Variants in PPP6R2 observed in about 807,000 individuals in gnomAD.
PPP6R2 encodes protein phosphatase 6 regulatory subunit 2.
A neutral mutation model predicts 100.2 loss-of-function variants in PPP6R2; 62 were observed. The observed-to-expected ratio is 0.62, with a 90% CI of 0.50 to 0.76. The LOEUF is 0.76. Ranked by LOEUF, PPP6R2 falls within the 30% of genes least tolerant of loss-of-function variation. The pLI is 0.00. For missense variants in PPP6R2, 1,142 were observed against 1,276.3 expected, an observed-to-expected ratio of 0.89 and a Z score of 1.60; for synonymous variants, 525 against 514.7, an observed-to-expected ratio of 1.02 and a Z score of -0.27.
At chr22:50,399,846 GA>G (rs1172922325) in intron 3 of PPP6R2, among the ~76,000 whole-genome samples, 13 of 152,218 alleles carry the variant, frequency 8.5e-5, no homozygotes, top group African/African-American at 3.1e-4. Context: ...GGCCACAGCA[GA>G]GGGCGCCACC....
At chr22:50,373,279 T>G (rs1456490135) in intron 2 of PPP6R2, among the ~76,000 whole-genome samples, 4 of 146,752 alleles carry the variant, frequency 2.7e-5, no homozygotes, top group Non-Finnish European at 6.0e-5. Context: ...TCTTGCTCAG[T>G]CGCCCAGGCT....
At chr22:50,438,892 C>T (rs1225835230) in intron 19 of PPP6R2, 130 bp downstream of exon 19, 6 of 1,003,270 alleles carry the variant, frequency 6.0e-6, no homozygotes, top group Non-Finnish European at 7.1e-6. Context: ...AGCCTGAATC[C>T]CCAGCTATTT....
intron 18 of PPP6R2, 85 bp downstream of exon 18, chr22:50,438,383 G>A (rs1212398515): frequency 1.3e-6 from 2 of 1,548,010 alleles, no homozygotes; most frequent in Admixed American, 1.9e-5. Context: ...TGGTTCGTTA[G>A]CTGGCTTGCA....
intron 1 of PPP6R2, among the ~76,000 whole-genome samples, chr22:50,352,740 CAAAAAA>C (rs755138488): frequency 7.6e-6 from 1 of 132,348 alleles, no homozygotes; most frequent in Non-Finnish European, 1.6e-5. Context: ...AAAACAAAAA[CAAAAAA>C]AAAAAACACA....
rs781759770 is a variant in PPP6R2 at position 50,431,317 on chromosome 22, G to A, written c.1270G>A (p.Gly424Arg). The change falls in exon 11 of 24, where the codon GGG (glycine) becomes AGG (arginine). Residue 424 changes from glycine to arginine, a missense_variant. Physicochemically the swap from Gly to Arg is moderately radical, Grantham distance 125. This residue lies in a region of PPP6R2 where 592 missense variants were observed against 758.9 expected (regional missense o/e 0.78). Coordinates refer to ENST00000612753, the MANE Select transcript of PPP6R2 (RefSeq NM_001242898.2). This position sits in a 1 kb window ranked among gnomAD's most constrained non-coding sequence, Gnocchi z 4.8. The part of the protein sequence containing the change: ...ESRVEPPHEN[G>R]NRSLETPQPA... ...CAGGGTGGAGCCTCCGCATGAGAAC[G>A]GGAACCGGAGCCTGGAGACTCCCCA... is the stretch of plus-strand genomic sequence containing the variant. 1.4e-4 allele frequency: 220 copies of A among 1,613,080 alleles called. No homozygotes were observed. Among genetic ancestry groups the A allele is most frequent in the Non-Finnish European group, 1.8e-4 (211 of 1,180,012 alleles).
At chr22:50,411,287 C>G (rs1250138226) in intron 4 of PPP6R2, among the ~76,000 whole-genome samples, 1 of 151,896 alleles carries the variant, frequency 6.6e-6, no homozygotes, top group African/African-American at 2.4e-5. Flanking sequence ...AACCCCGTCT[C>G]TACTAAAAAT....
Position 50,414,588 on chromosome 22 carries a change from A to G in PPP6R2, c.451A>G (p.Ser151Gly), listed in dbSNP as rs1484430124. The change falls in exon 5 of 24, where the codon AGC becomes GGC. Residue 151 changes from serine to glycine, a missense_variant. Coordinates refer to ENST00000612753, the MANE Select transcript of PPP6R2 (RefSeq NM_001242898.2). ...TTTGAAGAAGAAGGACAAGTTCATCAGCCTGGTGTTGAAGCACATCGGCAC... is the reference window on the plus strand; with the variant it reads ...TTTGAAGAAGAAGGACAAGTTCATCGGCCTGGTGTTGAAGCACATCGGCAC... ...TFLKKKDKFI[S>G]LVLKHIGTSA... 6.2e-7 allele frequency: 1 copy of G among 1,613,940 alleles called. No individual in the cohort carries two copies. The highest frequency in any genetic ancestry group is 8.5e-7 in the Non-Finnish European group (1 of 1,179,978).
At chr22:50,409,974 T>C (rs1171511030) in intron 4 of PPP6R2, among the ~76,000 whole-genome samples, 2 of 152,200 alleles carry the variant, frequency 1.3e-5, no homozygotes, top group Non-Finnish European at 2.9e-5. Flanking sequence ...GTGATCTGCC[T>C]GCTTCAGCTT....
intron 10 of PPP6R2, among the ~76,000 whole-genome samples, chr22:50,429,080 G>T (rs1162943980): frequency 2.0e-5 from 3 of 151,856 alleles, no homozygotes; most frequent in South Asian, 4.1e-4. Flanking sequence ...GCCCAGGCTG[G>T]AGTGCAGTGG....
upstream of PPP6R2, among the ~76,000 whole-genome samples, chr22:50,338,470 T>TGTGTG (rs1555945982): frequency 1.5e-5 from 2 of 129,736 alleles, no homozygotes; most frequent in Non-Finnish European, 3.2e-5. Flanking sequence ...TAGTGTGTGT[T>TGTGTG]ATGTGTGTGT....
intron 11 of PPP6R2, 69 bp from the exon 12 acceptor site, chr22:50,432,195 AG>A (rs1221086508): frequency 7.1e-7 from 1 of 1,401,132 alleles, no homozygotes; most frequent in Non-Finnish European, 9.9e-7. Context: ...TGCCCAGTCC[AG>A]GGATGGGTGG....
intron 6 of PPP6R2, among the ~76,000 whole-genome samples, chr22:50,416,491 C>G (rs530072696): frequency 2.0e-4 from 31 of 151,630 alleles, no homozygotes; most frequent in South Asian, 4.2e-4. Flanking sequence ...CTGTTTTCTT[C>G]TTGTTGTTGT....
intron 22 of PPP6R2, chr22:50,443,555 A>G: frequency 2.6e-6 from 1 of 390,616 alleles, no homozygotes; most frequent in Non-Finnish European, 4.7e-6. Flanking sequence ...TGAAGTTGAG[A>G]TCATAGCACA....
At chr22:50,377,201 C>T (rs2051791468) in intron 2 of PPP6R2, among the ~76,000 whole-genome samples, 1 of 152,054 alleles carries the variant, frequency 6.6e-6, no homozygotes, top group South Asian at 2.1e-4. Context: ...TGCTTGTAAT[C>T]CCAGTACTTT....
chr22:50,339,719 GGT>G (rs1228314023), upstream of PPP6R2, among the ~76,000 whole-genome samples: 5 of 135,848 alleles, frequency 3.7e-5, no homozygotes, highest in Admixed American at 7.5e-5. Context: ...GTGTGTGTAG[GGT>G]GTGTGTTGTG....
intron 1 of PPP6R2, among the ~76,000 whole-genome samples, chr22:50,356,528 A>T (rs1459569736): frequency 1.3e-5 from 2 of 151,976 alleles, no homozygotes; most frequent in Non-Finnish European, 2.9e-5. Context: ...GCTGGTGAAA[A>T]TTCTTACATT....
chr22:50,338,303 G>GGTGTGTGTGTGGTGTGTAGTGTGT, the PPP6R2 span, among the ~76,000 whole-genome samples: 1 of 146,536 alleles, frequency 6.8e-6, no homozygotes, highest in African/African-American at 2.5e-5. Context: ...TGTAGTGTGT[G>GGTGTGTGTGTGGTGTGTAGTGTGT]GTGTGTGTGT....
chr22:50,417,689 G>A (rs2060731149), intron 6 of PPP6R2, among the ~76,000 whole-genome samples: 3 of 151,912 alleles, frequency 2.0e-5, no homozygotes, highest in South Asian at 2.1e-4. Flanking sequence ...AGGAAACAAG[G>A]AGGCCGCCCT....
chr22:50,334,895 A>C, the PPP6R2 span, among the ~76,000 whole-genome samples: 1 of 151,788 alleles, frequency 6.6e-6, no homozygotes, highest in Non-Finnish European at 1.5e-5. Context: ...TGAACCCAGG[A>C]GGCAAGATCG....
Sources: gnomAD v4.1 joint callset for allele counts (sites outside exome capture counted in the v4.1 genomes callset) on GRCh38, gnomAD v4.1.1 for gene constraint, gnomAD v4.1.1 regional missense constraint, Gnocchi (gnomAD v3.1) non-coding constraint, MANE v1.5 for transcripts, NCBI Gene and HGNC (gene_info 2026-07-23, HGNC 2026-07-21) for gene names.